The following PCDH9 variants were observed in gnomAD, a reference collection of about 807,000 sequenced individuals.
PCDH9 encodes protocadherin 9, also known as protocadherin-9.
A neutral mutation model predicts 70.6 loss-of-function variants in PCDH9; 24 were observed. That is an observed-to-expected ratio of 0.34 (90% CI 0.25 to 0.48). The LOEUF (loss-of-function observed/expected upper bound fraction) is 0.48, where lower values mean the gene tolerates loss of function less well. Ranked by LOEUF, PCDH9 falls within the 20% of genes least tolerant of loss-of-function variation. The probability of loss-of-function intolerance (pLI) is 0.99; values close to 1 mark genes in which losing one functional copy is unlikely to be tolerated. For missense variants in PCDH9, 1,281 were observed against 1,503.6 expected (o/e 0.85, Z 2.45); for synonymous variants, 562 against 558.5 (o/e 1.01, Z -0.09).
chr13:66,472,126 C>T (rs565915786), intron 4 of PCDH9, among the ~76,000 whole-genome samples: 2 of 149,696 alleles, frequency 1.3e-5, no homozygotes, highest in African/African-American at 4.9e-5. Flanking sequence ...GCAAAAGAAT[C>T]GCTTGAACCT....
rs370503370 is a variant in PCDH9 at position 66,884,057 on chromosome 13, GC to G, written c.3138+19446del. Among the ~76,000 whole-genome samples, 1,215 of 151,634 alleles carry G rather than the reference GC, an allele frequency of 8.0e-3. 16 individuals are homozygous for G. The highest frequency in any genetic ancestry group is 0.027 in the African/African-American group (1,133 of 41,352). The stretch of plus-strand genomic sequence containing the variant: ...AGCTGGCACTACAGGCACACACCCT[GC>G]CCAGTTAATTTTTGTATTTTTAGTA... On this transcript the variant is annotated intron_variant, in intron 3 of 4. Transcript: ENST00000377865.
intron 4 of PCDH9, among the ~76,000 whole-genome samples, chr13:66,592,404 A>G (rs2077049975): frequency 6.6e-6 from 1 of 151,702 alleles, no homozygotes; most frequent in Admixed American, 6.6e-5. Flanking sequence ...TAGTTAATTG[A>G]TGGTTCAGAA....
In PCDH9 at chr13:67,153,819, G is replaced by C. The variant is rs190935349; in HGVS notation, c.3036+71586C>G. Among the ~76,000 whole-genome samples, 121 of 152,290 alleles carry C rather than the reference G, an allele frequency of 7.9e-4. 1 individual carries two copies. The highest frequency in any genetic ancestry group is 2.4e-3 in the Admixed American group (37 of 15,302). On this transcript the variant is annotated intron_variant, in intron 2 of 4. Transcript: ENST00000377865. ...GAAATAATACATTTACAGTCTAATA[G>C]GCACTGATGAAAAATGTAGTTTACT...
intron 4 of PCDH9, among the ~76,000 whole-genome samples, chr13:66,628,470 C>A (rs1053810807): frequency 2.6e-5 from 4 of 152,096 alleles, no homozygotes; most frequent in African/African-American, 9.7e-5. Context: ...AAAACATAAA[C>A]CAAATTTTTA....
chr13:66,698,382 C>T (rs1422634863), intron 3 of PCDH9, among the ~76,000 whole-genome samples: 1 of 152,166 alleles, frequency 6.6e-6, no homozygotes, highest in African/African-American at 2.4e-5. Flanking sequence ...AGCCACTGCT[C>T]TAAAATATGG....
At chr13:66,601,850 G>C (rs1367951363) in intron 4 of PCDH9, among the ~76,000 whole-genome samples, 1 of 145,884 alleles carries the variant, frequency 6.9e-6, no homozygotes, top group East Asian at 1.9e-4. Flanking sequence ...GGTGATGCTG[G>C]TGTAAACAAA....
At chr13:67,002,105 C>T (rs985151877) in intron 2 of PCDH9, 8 of 152,020 alleles carry the variant, frequency 5.3e-5, no homozygotes, top group Admixed American at 5.2e-4. Flanking sequence ...CTTCAGATTT[C>T]CTTGGGGTGA....
chr13:67,068,838 G>A (rs2085702858), intron 2 of PCDH9, among the ~76,000 whole-genome samples: 1 of 152,162 alleles, frequency 6.6e-6, no homozygotes. Context: ...CCTGTTATGT[G>A]AAAATATGAT....
intron 3 of PCDH9, among the ~76,000 whole-genome samples, chr13:66,657,996 A>G (rs2077956284): frequency 6.6e-6 from 1 of 152,232 alleles, no homozygotes; most frequent in Non-Finnish European, 1.5e-5. Flanking sequence ...ACAACTATTT[A>G]CATAGCATTT....
chr13:66,635,339 T>G (rs1361415976), intron 3 of PCDH9, among the ~76,000 whole-genome samples: 2 of 152,168 alleles, frequency 1.3e-5, no homozygotes, highest in East Asian at 3.9e-4. Context: ...TCTGGCTGGC[T>G]TGAGAAAGAA....
intron 3 of PCDH9, chr13:66,825,065 T>C (rs2080794421): frequency 6.6e-6 from 1 of 151,914 alleles, no homozygotes; most frequent in Non-Finnish European, 1.5e-5. Flanking sequence ...TAGCATGTCA[T>C]TTTAAAATTT....
intron 2 of PCDH9, among the ~76,000 whole-genome samples, chr13:67,183,924 G>T (rs916263122): frequency 6.6e-6 from 1 of 152,042 alleles, no homozygotes; most frequent in Non-Finnish European, 1.5e-5. Flanking sequence ...TGGAACACTA[G>T]GCATATTAAG....
chr13:67,197,999 A>G (rs1037101388), intron 2 of PCDH9, among the ~76,000 whole-genome samples: 1 of 151,616 alleles, frequency 6.6e-6, no homozygotes, highest in Non-Finnish European at 1.5e-5. Flanking sequence ...ATTGTTTTTG[A>G]TATTTTAAAA....
chr13:66,556,047 T>C (rs942186724), intron 4 of PCDH9, among the ~76,000 whole-genome samples: 1 of 150,740 alleles, frequency 6.6e-6, no homozygotes, highest in African/African-American at 2.4e-5. Flanking sequence ...AGTTTTCTAA[T>C]ATTATTTTTT....
chr13:66,523,408 T>C (rs150317692), intron 4 of PCDH9, among the ~76,000 whole-genome samples: 58 of 152,062 alleles, frequency 3.8e-4, no homozygotes, highest in African/African-American at 1.4e-3. Flanking sequence ...AGGAAGATAA[T>C]ATGAGAAAAA....
At chr13:66,656,216 T>C (rs950541299) in intron 3 of PCDH9, among the ~76,000 whole-genome samples, 2 of 151,976 alleles carry the variant, frequency 1.3e-5, no homozygotes, top group Non-Finnish European at 2.9e-5. Context: ...AGTCAGTATA[T>C]GCACAAGCAC....
intron 2 of PCDH9, among the ~76,000 whole-genome samples, chr13:67,175,142 A>T (rs1181180487): frequency 6.6e-6 from 1 of 152,058 alleles, no homozygotes; most frequent in African/African-American, 2.4e-5. Context: ...TCTCTAAAAA[A>T]TGAAATAAAA....
intron 4 of PCDH9, among the ~76,000 whole-genome samples, chr13:66,366,852 C>T (rs1274609244): frequency 6.6e-6 from 1 of 152,010 alleles, no homozygotes; most frequent in African/African-American, 2.4e-5. Context: ...CCCTGGTTCA[C>T]CTGAGTTAGT....
At chr13:66,735,942 T>C (rs1189408988) in intron 3 of PCDH9, among the ~76,000 whole-genome samples, 1 of 151,768 alleles carries the variant, frequency 6.6e-6, no homozygotes, top group Non-Finnish European at 1.5e-5. Flanking sequence ...CCAGCCTGGA[T>C]GACAGAGTGA....
Sources: gnomAD v4.1 joint callset for allele counts (sites outside exome capture counted in the v4.1 genomes callset) on GRCh38, gnomAD v4.1.1 for gene constraint, MANE v1.5 for transcripts, NCBI Gene and HGNC (gene_info 2026-07-23, HGNC 2026-07-21) for gene names.